The following CKMT1A variants were observed in gnomAD, a reference collection of about 807,000 sequenced individuals.
CKMT1A encodes the protein creatine kinase U-type, mitochondrial.
In CKMT1A, 23 loss-of-function variants were observed where a neutral mutation model predicts 21.8. That is an observed-to-expected ratio of 1.05 (90% CI 0.76 to 1.49). CKMT1A has a LOEUF of 1.49. Among genes scored for constraint, CKMT1A ranks in the 40% most tolerant of loss-of-function variants. CKMT1A has a pLI of 0.00. For synonymous variants in CKMT1A, 67 were observed against 80.4 expected (o/e 0.83, Z 0.89); for missense variants, 154 against 229.4 (o/e 0.67, Z 2.12).
rs2086437922 is a variant in CKMT1A, at chr15:43,696,054, G to T, written c.682G>T (p.Asp228Tyr). ...QQLIDDHFLF[D>Y]KPVSPLLTAA... ...CTCTTCCCAGGACCACTTTCTGTTT[G>T]ATAAGCCTGTGTCCCCGTTGCTGAC... is the stretch of plus-strand genomic sequence containing the variant. Residue 228 changes from aspartate to tyrosine, a missense_variant, in exon 5 of 9, where the codon GAT (aspartate) becomes TAT (tyrosine). Asp to Tyr is a radical substitution (Grantham distance 160, BLOSUM62 -3). Transcript: ENST00000413453. The T allele has an allele frequency of 1.9e-6, 1 of 529,240 alleles. No homozygotes were observed. The highest frequency in any genetic ancestry group is 2.1e-5 in the South Asian group (1 of 47,684). The allele number at this position is 529,240 out of a possible 1,614,324, so 32.8% of individuals were successfully genotyped here. A position where few individuals can be genotyped will look rare whatever the true frequency, so the allele number is the denominator to read the frequency against.
intron 6 of CKMT1A, chr15:43,697,572 G>A (rs2086467426): frequency 3.0e-6 from 3 of 984,434 alleles, no homozygotes; most frequent in African/African-American, 3.5e-5. Context: ...ACAGCTAATA[G>A]AACGTTATCT....
At chr15:43,697,335 T>C (rs1175056564) in intron 6 of CKMT1A, 2 of 1,259,536 alleles carry the variant, frequency 1.6e-6, no homozygotes, top group African/African-American at 3.1e-5. Context: ...ATATCCCTGG[T>C]GGCATGGTTC....
intron 7 of CKMT1A, among the ~76,000 whole-genome samples, 156 bp from the exon 8 acceptor site, chr15:43,698,485 G>C (rs866900060): frequency 0.015 from 2,246 of 149,688 alleles, 2 homozygotes; most frequent in African/African-American, 0.053. Context: ...ACTCCAGCCT[G>C]GGTGACAGAG....
At chr15:43,697,268 T>C in intron 6 of CKMT1A, 1 of 1,234,676 alleles carries the variant, frequency 8.1e-7, no homozygotes, top group Non-Finnish European at 1.0e-6. Flanking sequence ...AGTGTTAAAG[T>C]GTTAGCTGCA....
chr15:43,697,324 G>A (rs1163624563), intron 6 of CKMT1A: 3 of 1,270,856 alleles, frequency 2.4e-6, no homozygotes, highest in Non-Finnish European at 3.1e-6. Context: ...CAGCACATAA[G>A]ATATCCCTGG....
Position 43,696,283 on chromosome 15 carries a change from G to T in CKMT1A, c.796G>T (p.Asp266Tyr), listed in dbSNP as rs1194661828. ...KSFLIWVNEE[D>Y]HTRVISMEKG... ...CTTCCTGATCTGGGTGAATGAGGAGGATCATACACGGGTGATCTCCATGGA... is the reference window on the plus strand; with the variant it reads ...CTTCCTGATCTGGGTGAATGAGGAGTATCATACACGGGTGATCTCCATGGA... The change falls in exon 6 of 9, where the codon GAT (aspartate) becomes TAT (tyrosine). Residue 266 changes from aspartate to tyrosine, a missense_variant. Asp to Tyr is a radical substitution (Grantham distance 160, BLOSUM62 -3). Coordinates refer to ENST00000413453, the MANE Select transcript of CKMT1A (RefSeq NM_001321926.2). The T allele has an allele frequency of 3.8e-6, 6 of 1,597,894 alleles. 1 individual carries two copies. In the East Asian group the frequency reaches 6.7e-5, roughly 18 times the overall value.
At chr15:43,697,865 T>C in intron 6 of CKMT1A, 149 bp from the exon 7 acceptor site, 2 of 1,478,254 alleles carry the variant, frequency 1.4e-6, no homozygotes, top group Middle Eastern at 1.9e-4. Flanking sequence ...ACAAACCTTT[T>C]TCATTTAAAA....
In CKMT1A at chr15:43,698,988, C is replaced by A. The variant is rs772301172; in HGVS notation, c.1153C>A (p.Leu385Met). 1 of 1,613,550 alleles carries A rather than the reference C, an allele frequency of 6.2e-7. No individual in the cohort carries two copies. Among genetic ancestry groups the A allele is most frequent in the East Asian group, 2.2e-5 (1 of 44,866 alleles). ...TGTCCTTCAGGTGGAGCTGGTGCAACTGGTCATCGATGGAGTAAACTATTT... is the reference window on the plus strand; with the variant it reads ...TGTCCTTCAGGTGGAGCTGGTGCAAATGGTCATCGATGGAGTAAACTATTT... ...LGKSEVELVQLVIDGVNYLID... is the reference protein window; with the variant it reads ...LGKSEVELVQMVIDGVNYLID... Residue 385 changes from leucine (L) to methionine (M), a missense_variant, in exon 9 of 9, where the codon CTG becomes ATG. Leu to Met is a conservative substitution (Grantham distance 15). Coordinates refer to ENST00000413453, the MANE Select transcript of CKMT1A (RefSeq NM_001321926.2).
chr15:43,698,520 A>C, intron 7 of CKMT1A, 121 bp from the exon 8 acceptor site: 4 of 1,413,346 alleles, frequency 2.8e-6, no homozygotes, highest in Non-Finnish European at 3.8e-6. Context: ...AAAAAAAAAA[A>C]AAAGAAAAAA....
In CKMT1A at chr15:43,698,998, A is replaced by T. The variant is rs764922926; in HGVS notation, c.1163A>T (p.Asp388Val). 5.6e-6 allele frequency: 9 copies of T among 1,613,422 alleles called. No homozygotes were observed. The East Asian group carries it at 1.8e-4, about 32-fold the overall frequency. ...GTGGAGCTGGTGCAACTGGTCATCG[A>T]TGGAGTAAACTATTTGATTGATTGT... Reference protein sequence around the residue: ...SEVELVQLVIDGVNYLIDCER... With the variant: ...SEVELVQLVIVGVNYLIDCER... The change falls in exon 9 of 9, where the codon GAT (aspartate) becomes GTT (valine). Residue 388 changes from aspartate (D) to valine (V), a missense_variant. Transcript: ENST00000413453.
rs2086460993 is a variant in CKMT1A at position 43,697,278 on chromosome 15, A to G, written c.877-736A>G. The G allele has an allele frequency of 4.0e-6, 5 of 1,240,172 alleles. No homozygotes were observed. In the South Asian group the frequency reaches 5.8e-5, roughly 14 times the overall value. The allele number at this position is 1,240,172 out of a possible 1,614,324, so 76.8% of individuals were successfully genotyped here. On this transcript the variant is annotated intron_variant, in intron 6 of 8. Transcript: ENST00000413453. ...TAATAAGTGTTAAAGTGTTAGCTGC[A>G]ATATTATTCTGGATGGAAGAGTTTC...
At chr15:43,697,550 G>C in intron 6 of CKMT1A, 1 of 984,700 alleles carries the variant, frequency 1.0e-6, no homozygotes, top group Non-Finnish European at 1.2e-6. Context: ...CATTCACACA[G>C]GTGCTCCGTT....
intron 7 of CKMT1A, among the ~76,000 whole-genome samples, 189 bp downstream of exon 7, chr15:43,698,337 C>T (rs977262319): frequency 2.6e-5 from 4 of 151,730 alleles, no homozygotes; most frequent in African/African-American, 9.7e-5. Flanking sequence ...CATTTGAGCC[C>T]AGGAGTTCAA....
chr15:43,698,129 A>G lies in CKMT1A; in HGVS notation c.992A>G (p.Lys331Arg), dbSNP rs1263464844. 2 of 1,612,046 alleles carry G rather than the reference A, an allele frequency of 1.2e-6. No homozygotes were observed. Among genetic ancestry groups the G allele is most frequent in the South Asian group, 1.1e-5 (1 of 90,958 alleles). The change falls in exon 7 of 9, where the codon AAA (lysine) becomes AGA (arginine). Residue 331 changes from lysine to arginine, a missense_variant. Transcript: ENST00000413453. The stretch of plus-strand genomic sequence containing the variant: ...GGACTTCGGGCAGGAGTGCACATCA[A>G]ACTGCCCCTGCTAAGCAAAGTAAAG... ...GTGLRAGVHI[K>R]LPLLSKDSRF...
chr15:43,698,594 G>A (rs770440350), intron 7 of CKMT1A, 47 bp from the exon 8 acceptor site: 3 of 1,589,330 alleles, frequency 1.9e-6, no homozygotes, highest in Non-Finnish European at 2.6e-6. Context: ...GGTAGGACTA[G>A]TCTCTGCCTC....
At chr15:43,698,434 C>T (rs2086484265) in intron 7 of CKMT1A, among the ~76,000 whole-genome samples, 1 of 149,598 alleles carries the variant, frequency 6.7e-6, no homozygotes, top group African/African-American at 2.5e-5. Flanking sequence ...GTGAGAGGAT[C>T]ACTTAAGCCT....
At chr15:43,697,523 G>C (rs2141613241) in intron 6 of CKMT1A, 19 of 984,770 alleles carry the variant, frequency 1.9e-5, no homozygotes, top group Non-Finnish European at 2.3e-5. Flanking sequence ...TTCCTGCTCT[G>C]TTTTCATCTT....
Position 43,698,160 on chromosome 15 carries a change from G to T in CKMT1A, c.1011+12G>T. The T allele has an allele frequency of 6.2e-7, 1 of 1,604,546 alleles. No individual in the cohort carries two copies. Among genetic ancestry groups the T allele is most frequent in the Non-Finnish European group, 8.5e-7 (1 of 1,175,480 alleles). ...CCCTGCTAAGCAAAGTAAAGGAGTTGTGGGGTTACAGAGGGGTGTGAGTAA... is the reference window on the plus strand; with the variant it reads ...CCCTGCTAAGCAAAGTAAAGGAGTTTTGGGGTTACAGAGGGGTGTGAGTAA... On this transcript the variant is annotated intron_variant, in intron 7 of 8. Coordinates refer to ENST00000413453, the MANE Select transcript of CKMT1A (RefSeq NM_001321926.2).
intron 6 of CKMT1A, 174 bp from the exon 7 acceptor site, chr15:43,697,840 T>C (rs1324361255): frequency 1.0e-6 from 1 of 980,104 alleles, no homozygotes; most frequent in Non-Finnish European, 1.2e-6. Context: ...GCATCATGCA[T>C]GCATGAAAAC....
Sources: gnomAD v4.1 joint callset for allele counts (sites outside exome capture counted in the v4.1 genomes callset) on GRCh38, gnomAD v4.1.1 for gene constraint, MANE v1.5 for transcripts, NCBI Gene and HGNC (gene_info 2026-07-23, HGNC 2026-07-21) for gene names.